PXT1: variants seen among roughly 807,000 people sequenced by gnomAD.
PXT1 encodes the protein peroxisomal testis-specific protein 1.
A neutral mutation model predicts 11.0 loss-of-function variants in PXT1; 11 were observed. That is an observed-to-expected ratio of 1.00 (90% CI 0.63 to 1.66). The LOEUF (loss-of-function observed/expected upper bound fraction) is 1.66. PXT1 is among the 40% of genes most tolerant of loss of function. PXT1 has a pLI of 0.00. For synonymous variants in PXT1, 43 were observed against 51.4 expected (o/e 0.84, Z 0.70); for missense variants, 141 against 155.5 (o/e 0.91, Z 0.49).
At chr6:36,441,570 T>C (rs1774865286) in intron 1 of PXT1, among the ~76,000 whole-genome samples, 1 of 152,096 alleles carries the variant, frequency 6.6e-6, no homozygotes, top group Non-Finnish European at 1.5e-5. Flanking sequence ...CCGGAAGTGC[T>C]GGGAGGGCAG....
chr6:36,422,749 G>A (rs566945830), intron 3 of PXT1, among the ~76,000 whole-genome samples: 82 of 152,284 alleles, frequency 5.4e-4, no homozygotes, highest in African/African-American at 1.7e-3. Context: ...CACTCTTAAA[G>A]AGAAAAATAA....
chr6:36,403,980 C>T (rs921808944), intron 3 of PXT1, among the ~76,000 whole-genome samples: 1 of 152,058 alleles, frequency 6.6e-6, no homozygotes, highest in Non-Finnish European at 1.5e-5. Flanking sequence ...GTCATTATTC[C>T]TTCATTTATT....
chr6:36,394,063 T>TA (rs1774108191), intron 4 of PXT1, among the ~76,000 whole-genome samples: 1 of 152,228 alleles, frequency 6.6e-6, no homozygotes, highest in African/African-American at 2.4e-5. Flanking sequence ...TTTGTCCTGC[T>TA]AGTAACCGAA....
chr6:36,392,249 C>T (rs1774080443), intron 4 of PXT1, among the ~76,000 whole-genome samples: 1 of 152,184 alleles, frequency 6.6e-6, no homozygotes. Flanking sequence ...TGGCTGGTCT[C>T]AACAAACTGG....
At chr6:36,410,865 T>A (rs568682977) in intron 3 of PXT1, among the ~76,000 whole-genome samples, 1 of 152,176 alleles carries the variant, frequency 6.6e-6, no homozygotes, top group African/African-American at 2.4e-5. Context: ...CACTTAGGCA[T>A]AGTGGTAGAA....
intron 1 of PXT1, among the ~76,000 whole-genome samples, chr6:36,439,858 ACATTTCCT>A (rs1774830018): frequency 6.6e-6 from 1 of 152,124 alleles, no homozygotes; most frequent in Non-Finnish European, 1.5e-5. Context: ...ACACATTTCC[ACATTTCCT>A]GACTCCCCTA....
At chr6:36,424,593 C>A (rs567047957) in intron 3 of PXT1, among the ~76,000 whole-genome samples, 1 of 152,300 alleles carries the variant, frequency 6.6e-6, no homozygotes, top group African/African-American at 2.4e-5. Context: ...GAGCCGAGAT[C>A]GCGCCACTGC....
chr6:36,437,654 C>A (rs563069766), intron 2 of PXT1, among the ~76,000 whole-genome samples: 1 of 150,868 alleles, frequency 6.6e-6, no homozygotes, highest in African/African-American at 2.4e-5. Context: ...GCTGGGACTA[C>A]AGGCGCCCGC....
intron 2 of PXT1, among the ~76,000 whole-genome samples, chr6:36,432,669 G>A (rs531411836): frequency 1.3e-5 from 2 of 152,288 alleles, no homozygotes; most frequent in African/African-American, 4.8e-5. Flanking sequence ...CTTCAAAAAG[G>A]ACACTTGTTT....
chr6:36,424,852 C>G (rs888546633), intron 3 of PXT1, among the ~76,000 whole-genome samples: 3 of 151,794 alleles, frequency 2.0e-5, no homozygotes, highest in Admixed American at 6.6e-5. Flanking sequence ...AAAAATTAGC[C>G]GGGCATGCAG....
chr6:36,404,238 A>G (rs544807941), intron 3 of PXT1, among the ~76,000 whole-genome samples: 2 of 152,366 alleles, frequency 1.3e-5, no homozygotes, highest in African/African-American at 4.8e-5. Flanking sequence ...TAACTACAGT[A>G]TAAGAACACA....
intron 2 of PXT1, among the ~76,000 whole-genome samples, chr6:36,427,698 T>G (rs1369344059): frequency 6.6e-6 from 1 of 152,178 alleles, no homozygotes; most frequent in Non-Finnish European, 1.5e-5. Flanking sequence ...ATATTTTACA[T>G]TCTTATTAAT....
rs1220596841 is a variant in PXT1 at position 36,442,739 on chromosome 6, G to A, written c.-334C>T. 1 of 152,202 alleles carries A rather than the reference G, an allele frequency of 6.6e-6. No individual in the cohort carries two copies. Among genetic ancestry groups the A allele is most frequent in the East Asian group, 1.9e-4 (1 of 5,196 alleles). 9.4% of individuals were successfully genotyped at this position (152,202 alleles called of 1,614,324 possible). A position where few individuals can be genotyped will look rare whatever the true frequency, so the allele number is the denominator to read the frequency against. ...AGCATTAGCCGTCCTGGCGCTGCACGAGCGTATTCTACAATTCCGAAAACT... is the reference window on the plus strand; with the variant it reads ...AGCATTAGCCGTCCTGGCGCTGCACAAGCGTATTCTACAATTCCGAAAACT... On this transcript the variant is annotated 5_prime_UTR_variant, in exon 1 of 5. Coordinates refer to ENST00000454782, the MANE Select transcript of PXT1 (RefSeq NM_152990.4).
rs201849950 is a variant in PXT1, at chr6:36,409,824, T to TGGAAGGAAGGAAGGAAGGAAGGAAGGAA, written c.170-9268_170-9241dup. The stretch of plus-strand genomic sequence containing the variant: ...CTGGGTGACAGAGCAAGACCCTGTC[T>TGGAAGGAAGGAAGGAAGGAAGGAAGGAA]GGAAGGAAGGAAGGAAGGAAGGAAG... On this transcript the variant is annotated intron_variant, in intron 3 of 4. Transcript: ENST00000454782. 3.3e-4 allele frequency among the ~76,000 whole-genome samples: 32 copies of TGGAAGGAAGGAAGGAAGGAAGGAAGGAA among 97,668 alleles called. 1 individual carries two copies. Among genetic ancestry groups the TGGAAGGAAGGAAGGAAGGAAGGAAGGAA allele is most frequent in the Non-Finnish European group, 4.9e-4 (25 of 50,676 alleles). 64.1% of individuals were successfully genotyped at this position (97,668 alleles called of 152,430 possible).
In PXT1 at chr6:36,430,808, T is replaced by A. The variant is rs566925231; in HGVS notation, c.-9-4717A>T. Reference sequence around the variant, plus strand: ...TCGTTTTATTTAATTTTTTTTTAATTTTTTGAGACAACGTCTCGCTCTGTC... The same window carrying A: ...TCGTTTTATTTAATTTTTTTTTAATATTTTGAGACAACGTCTCGCTCTGTC... On this transcript the variant is annotated intron_variant, in intron 2 of 4. Transcript: ENST00000454782. Among the ~76,000 whole-genome samples the A allele has an allele frequency of 7.2e-5, 11 of 152,300 alleles. No individual in the cohort carries two copies. The East Asian group carries it at 2.1e-3, about 29-fold the overall frequency.
chr6:36,412,627 T>C (rs1333725724), intron 3 of PXT1, among the ~76,000 whole-genome samples: 1 of 146,792 alleles, frequency 6.8e-6, no homozygotes, highest in African/African-American at 2.5e-5. Flanking sequence ...GCCACTGCAC[T>C]CCAGCCTGGC....
intron 3 of PXT1, among the ~76,000 whole-genome samples, chr6:36,424,828 T>C (rs1483965701): frequency 6.6e-6 from 1 of 151,784 alleles, no homozygotes; most frequent in African/African-American, 2.4e-5. Flanking sequence ...AACCCCCGGC[T>C]CTACTAAAAA....
chr6:36,397,026 T>A (rs1774154262), intron 4 of PXT1, among the ~76,000 whole-genome samples: 1 of 152,130 alleles, frequency 6.6e-6, no homozygotes, highest in Admixed American at 6.5e-5. Context: ...GAACACTCAA[T>A]GGATAACCTG....
rs549714560 is a variant in PXT1, at chr6:36,439,121, C to G, written c.-129-235G>C. Among the ~76,000 whole-genome samples the G allele has an allele frequency of 2.0e-5, 3 of 151,856 alleles. No homozygotes were observed. The South Asian group carries it at 6.3e-4, about 32-fold the overall frequency. On this transcript the variant is annotated intron_variant, in intron 1 of 4. Transcript: ENST00000454782. ...TCAAGCAATTCTCCTGCCTCAGCCTCTCAAGTAGCTGGGATTACAGGCGCA... is the reference window on the plus strand; with the variant it reads ...TCAAGCAATTCTCCTGCCTCAGCCTGTCAAGTAGCTGGGATTACAGGCGCA...
Sources: gnomAD v4.1 joint callset for allele counts (sites outside exome capture counted in the v4.1 genomes callset) on GRCh38, gnomAD v4.1.1 for gene constraint, MANE v1.5 for transcripts, NCBI Gene and HGNC (gene_info 2026-07-23, HGNC 2026-07-21) for gene names.